The following ZC3H12D variants were observed in gnomAD, a reference collection of about 807,000 sequenced individuals.
ZC3H12D encodes the protein probable ribonuclease ZC3H12D.
ZC3H12D carries 11 observed loss-of-function variants against 24.2 expected under a neutral mutation model. That is an observed-to-expected ratio of 0.46 (90% confidence interval 0.29 to 0.75). The LOEUF (loss-of-function observed/expected upper bound fraction) is 0.75, where lower values mean the gene tolerates loss of function less well. Among genes scored for constraint, ZC3H12D ranks in the 30% least tolerant of loss-of-function variants. The pLI is 0.11. For missense variants in ZC3H12D, 740 were observed against 767.7 expected (o/e 0.96, Z 0.43); for synonymous variants, 333 against 341.8 (o/e 0.97, Z 0.28).
intron 2 of ZC3H12D, among the ~76,000 whole-genome samples, chr6:149,469,532 T>G (rs1253201688): frequency 6.6e-6 from 1 of 152,214 alleles, no homozygotes; most frequent in Non-Finnish European, 1.5e-5. Context: ...GATGCCATTT[T>G]GAACACGCTT....
At chr6:149,483,502 T>A (rs1776455463) in intron 1 of ZC3H12D, among the ~76,000 whole-genome samples, 1 of 152,132 alleles carries the variant, frequency 6.6e-6, no homozygotes. Context: ...ATTTCCCCAG[T>A]CCCTGGCACC....
At chr6:149,457,093 A>G (rs1276831865) in intron 3 of ZC3H12D, among the ~76,000 whole-genome samples, 193 bp from the exon 4 acceptor site, 1 of 152,198 alleles carries the variant, frequency 6.6e-6, no homozygotes, top group African/African-American at 2.4e-5. Context: ...CTGAAGCCCC[A>G]GGTCAAGCAG....
Position 149,450,736 on chromosome 6 carries a change from T to G in ZC3H12D, c.1531A>C (p.Ile511Leu). Residue 511 changes from isoleucine (I) to leucine (L), a missense_variant, in exon 6 of 6, where the codon ATC becomes CTC. Ile to Leu is a conservative substitution (Grantham distance 5). Transcript: ENST00000409806. ...CTCTGGCATCTCTGTACCAGGAGGATGAGCCTGGCGAGGTCTGAGAGCTCC... is the reference window on the plus strand; with the variant it reads ...CTCTGGCATCTCTGTACCAGGAGGAGGAGCCTGGCGAGGTCTGAGAGCTCC... ...FPELSDLARLILLVQRCQSAG... is the reference protein window; with the variant it reads ...FPELSDLARLLLLVQRCQSAG... 1 of 1,548,474 alleles carries G rather than the reference T, an allele frequency of 6.5e-7. No individual in the cohort carries two copies. Among genetic ancestry groups the G allele is most frequent in the Non-Finnish European group, 8.7e-7 (1 of 1,146,272 alleles).
At chr6:149,475,137 A>AC (rs1228254304) in intron 1 of ZC3H12D, among the ~76,000 whole-genome samples, 3 of 152,074 alleles carry the variant, frequency 2.0e-5, no homozygotes, top group Non-Finnish European at 4.4e-5. Flanking sequence ...GGAGAAAGCA[A>AC]CCCTGCAGGC....
intron 1 of ZC3H12D, among the ~76,000 whole-genome samples, chr6:149,482,629 A>G (rs1776444120): frequency 2.0e-5 from 3 of 152,198 alleles, no homozygotes; most frequent in Admixed American, 1.3e-4. Context: ...GAATCAGCCA[A>G]TACAGGGGAG....
At chr6:149,453,759 A>C (rs1399787853) in intron 4 of ZC3H12D, among the ~76,000 whole-genome samples, 2 of 152,210 alleles carry the variant, frequency 1.3e-5, no homozygotes, top group African/African-American at 4.8e-5. Context: ...GCTCCAGAAA[A>C]GCCAGGAGTG....
At chr6:149,468,844 G>A (rs1776201307) in intron 2 of ZC3H12D, among the ~76,000 whole-genome samples, 1 of 152,132 alleles carries the variant, frequency 6.6e-6, no homozygotes, top group African/African-American at 2.4e-5. Context: ...ACCCACTGAG[G>A]GGGGCATGAT....
chr6:149,466,901 T>C lies in ZC3H12D; in HGVS notation c.306-4931A>G, dbSNP rs201220172. ...AAAAATAAAATAAAATAAAATAAAA[T>C]AAAATAAAATAAAATAAAATAAAAT... On this transcript the variant is annotated intron_variant, in intron 2 of 5. Coordinates refer to ENST00000409806, the MANE Select transcript of ZC3H12D (RefSeq NM_207360.3). Among the ~76,000 whole-genome samples the C allele has an allele frequency of 1.6e-3, 102 of 62,726 alleles. 1 individual carries two copies. The highest frequency in any genetic ancestry group is 2.1e-3 in the Non-Finnish European group (60 of 28,028). 41.2% of individuals were successfully genotyped at this position (62,726 alleles called of 152,430 possible). A position where few individuals can be genotyped will look rare whatever the true frequency, so the allele number is the denominator to read the frequency against.
chr6:149,475,186 C>T (rs1226696021), intron 1 of ZC3H12D, among the ~76,000 whole-genome samples: 3 of 152,050 alleles, frequency 2.0e-5, no homozygotes, highest in East Asian at 1.9e-4. Flanking sequence ...AACTGTGAGA[C>T]GATGAATTTC....
chr6:149,482,726 G>A (rs1188834428), intron 1 of ZC3H12D, among the ~76,000 whole-genome samples: 1 of 152,206 alleles, frequency 6.6e-6, no homozygotes, highest in East Asian at 1.9e-4. Flanking sequence ...AGGCGGAGAC[G>A]TGGCAGCTCC....
chr6:149,454,965 C>G (rs1439852750), intron 4 of ZC3H12D, among the ~76,000 whole-genome samples: 1 of 152,252 alleles, frequency 6.6e-6, no homozygotes, highest in Admixed American at 6.5e-5. Flanking sequence ...CCTGCTGCAC[C>G]ATGTCCTGGG....
At chr6:149,451,522 G>T in intron 5 of ZC3H12D, 43 bp from the exon 6 acceptor site, 1 of 1,477,720 alleles carries the variant, frequency 6.8e-7, no homozygotes, top group South Asian at 1.3e-5. Context: ...TGAGGCCCGG[G>T]GGCGCGGAGG....
rs1289207084 is a variant in ZC3H12D at position 149,449,407 on chromosome 6, A to G, written c.*1276T>C. 2 of 151,842 alleles carry G rather than the reference A, an allele frequency of 1.3e-5. No individual in the cohort carries two copies. The highest frequency in any genetic ancestry group is 1.5e-5 in the Non-Finnish European group (1 of 68,008). 9.4% of individuals were successfully genotyped at this position (151,842 alleles called of 1,614,324 possible). On this transcript the variant is annotated 3_prime_UTR_variant, in exon 6 of 6. Coordinates refer to ENST00000409806, the MANE Select transcript of ZC3H12D (RefSeq NM_207360.3). ...TGCAGTGAGCTATGATCACACTACT[A>G]TACTCCAGACAGAGTGACAGAGTGA...
At chr6:149,477,685 C>T (rs1002057628) in intron 1 of ZC3H12D, among the ~76,000 whole-genome samples, 2 of 152,102 alleles carry the variant, frequency 1.3e-5, no homozygotes, top group Non-Finnish European at 2.9e-5. Flanking sequence ...CTTGCTCACA[C>T]CTCCCACTGA....
intron 1 of ZC3H12D, among the ~76,000 whole-genome samples, chr6:149,480,745 C>CA (rs66946761): frequency 0.24 from 36,747 of 150,774 alleles, 6,845 homozygotes; most frequent in African/African-American, 0.5. Flanking sequence ...TCAAAAAAAA[C>CA]AAAAAAAACA....
Position 149,474,479 on chromosome 6 carries a change from C to T in ZC3H12D, c.65G>A (p.Arg22Gln), listed in dbSNP as rs569300276. The change falls in exon 2 of 6, where the codon CGG becomes CAG. Residue 22 changes from arginine (R) to glutamine (Q), a missense_variant. Arg to Gln is a conservative substitution (Grantham distance 43). Transcript: ENST00000409806. ...GCCCTCGCCCAGCTTGCCCAACACC[C>T]GGAGCACATCCTCCCGGTCATAGCC... ...KLGYDREDVL[R>Q]VLGKLGEGAL... 1.4e-4 allele frequency: 227 copies of T among 1,582,754 alleles called. 2 individuals are homozygous for T. The South Asian group carries it at 1.9e-3, about 13-fold the overall frequency.
chr6:149,457,049 G>A (rs1313886416), intron 3 of ZC3H12D, 149 bp from the exon 4 acceptor site: 3 of 749,604 alleles, frequency 4.0e-6, no homozygotes, highest in Non-Finnish European at 4.2e-6. Flanking sequence ...CCGCCATAGC[G>A]TTCGCTCCTT....
intron 1 of ZC3H12D, among the ~76,000 whole-genome samples, chr6:149,481,334 C>G (rs1232414390): frequency 6.7e-6 from 1 of 149,878 alleles, no homozygotes; most frequent in African/African-American, 2.4e-5. Flanking sequence ...AAGAAAGGAA[C>G]AGGAGACAGG....
chr6:149,460,859 C>T (rs1011838419), intron 3 of ZC3H12D, among the ~76,000 whole-genome samples: 7 of 151,514 alleles, frequency 4.6e-5, no homozygotes, highest in African/African-American at 1.2e-4. Flanking sequence ...AAGAAACTAG[C>T]TGGGTGTGGT....
Sources: allele counts gnomAD v4.1 joint callset (sites outside exome capture counted in the v4.1 genomes callset), GRCh38; gene constraint gnomAD v4.1.1; transcripts MANE v1.5; gene names NCBI Gene and HGNC (gene_info 2026-07-23, HGNC 2026-07-21).